The following OPCML variants were observed in gnomAD, a reference collection of about 807,000 sequenced individuals.
OPCML encodes the protein opioid-binding protein/cell adhesion molecule.
A neutral mutation model predicts 37.8 loss-of-function variants in OPCML; 13 were observed. The observed-to-expected ratio is 0.34, with a 90% CI of 0.22 to 0.55. The LOEUF is 0.55. Among genes scored for constraint, OPCML ranks in the 20% least tolerant of loss-of-function variants. The pLI, the probability that OPCML is intolerant of heterozygous loss-of-function variation, is 0.91. For missense variants in OPCML, 341 were observed against 435.6 expected, an observed-to-expected ratio of 0.78 and a Z score of 1.93; for synonymous variants, 176 against 168.8, an observed-to-expected ratio of 1.04 and a Z score of -0.33.
intron 2 of OPCML, among the ~76,000 whole-genome samples, chr11:132,673,855 G>GGTA (rs2135825661): frequency 6.6e-6 from 1 of 152,154 alleles, no homozygotes; most frequent in East Asian, 1.9e-4. Context: ...GAATCCAAAG[G>GGTA]GTAGTGGTCT....
At chr11:132,874,369 G>C (rs917436652) in intron 2 of OPCML, among the ~76,000 whole-genome samples, 7 of 151,796 alleles carry the variant, frequency 4.6e-5, no homozygotes, top group Non-Finnish European at 1.0e-4. Context: ...ATCCAAAGGA[G>C]TAACTAGGGA....
In OPCML at chr11:133,493,124, G is replaced by A. The variant is rs553245355; in HGVS notation, c.61+39140C>T. 1.2e-3 allele frequency among the ~76,000 whole-genome samples: 189 copies of A among 152,338 alleles called. 1 individual carries two copies. Among genetic ancestry groups the A allele is most frequent in the African/African-American group, 4.3e-3 (177 of 41,580 alleles). Reference sequence around the variant, plus strand: ...CCTGGGACCAGTGATGACAAGCGCAGGATTGAGGAGCTCATGACCTTGCCC... The same window carrying A: ...CCTGGGACCAGTGATGACAAGCGCAAGATTGAGGAGCTCATGACCTTGCCC... On this transcript the variant is annotated intron_variant, in intron 1 of 7. Transcript: ENST00000524381.
At chr11:133,523,588 G>A (rs1287067561) in intron 1 of OPCML, among the ~76,000 whole-genome samples, 1 of 152,134 alleles carries the variant, frequency 6.6e-6, no homozygotes, top group Non-Finnish European at 1.5e-5. Flanking sequence ...AATAAAAAAT[G>A]TAAATCATGA....
intron 2 of OPCML, among the ~76,000 whole-genome samples, chr11:132,783,507 A>G (rs577169747): frequency 1.3e-5 from 2 of 152,294 alleles, no homozygotes; most frequent in Admixed American, 1.3e-4. Flanking sequence ...GCCAAATTTT[A>G]TTCTTAAATA....
intron 4 of OPCML, among the ~76,000 whole-genome samples, chr11:132,445,151 G>T (rs951651998): frequency 1.3e-5 from 2 of 152,216 alleles, no homozygotes; most frequent in African/African-American, 4.8e-5. Flanking sequence ...CAGTAAGTTG[G>T]CTAATCACAA....
chr11:132,514,115 A>G (rs2096274721), intron 4 of OPCML, among the ~76,000 whole-genome samples: 1 of 152,168 alleles, frequency 6.6e-6, no homozygotes, highest in Admixed American at 6.6e-5. Context: ...GTACTTGCTT[A>G]TTTATTTTTG....
intron 1 of OPCML, among the ~76,000 whole-genome samples, chr11:133,126,050 A>C (rs1380697957): frequency 1.5e-5 from 2 of 130,472 alleles, no homozygotes; most frequent in East Asian, 4.6e-4. Context: ...CTACATATAC[A>C]CATGTATATA....
At chr11:132,596,293 G>T (rs910396691) in intron 3 of OPCML, among the ~76,000 whole-genome samples, 1 of 152,132 alleles carries the variant, frequency 6.6e-6, no homozygotes, top group African/African-American at 2.4e-5. Flanking sequence ...GGCCAGATGG[G>T]TTTGAACAGA....
intron 1 of OPCML, among the ~76,000 whole-genome samples, chr11:133,263,902 C>T (rs753828966): frequency 5.9e-5 from 9 of 152,172 alleles, no homozygotes; most frequent in Admixed American, 5.9e-4. Context: ...TAAAAGTTCT[C>T]CAGGCTCAGT....
chr11:133,447,639 G>A (rs1319736721), intron 1 of OPCML, among the ~76,000 whole-genome samples: 1 of 152,160 alleles, frequency 6.6e-6, no homozygotes, highest in African/African-American at 2.4e-5. Context: ...TTCTGTTCCT[G>A]CACTGATTCA....
chr11:133,264,992 C>CT (rs1419479199), intron 1 of OPCML, among the ~76,000 whole-genome samples: 2 of 152,130 alleles, frequency 1.3e-5, no homozygotes, highest in East Asian at 3.9e-4. Context: ...AGATTTTAAA[C>CT]TGCCAGGGTC....
At chr11:132,786,965 T>C (rs988930713) in intron 2 of OPCML, among the ~76,000 whole-genome samples, 2 of 152,128 alleles carry the variant, frequency 1.3e-5, no homozygotes, top group African/African-American at 4.8e-5. Flanking sequence ...TAGACCAGCC[T>C]AGTCTCCAAA....
At chr11:132,568,045 C>T (rs986848075) in intron 3 of OPCML, among the ~76,000 whole-genome samples, 174 of 147,306 alleles carry the variant, frequency 1.2e-3, no homozygotes, top group African/African-American at 4.2e-3. Context: ...TGTGTGTGCG[C>T]GCGCGCGCGT....
intron 1 of OPCML, among the ~76,000 whole-genome samples, chr11:132,957,943 C>A (rs529618341): frequency 1.4e-4 from 21 of 152,098 alleles, no homozygotes; most frequent in Non-Finnish European, 2.6e-4. Flanking sequence ...AATTAATAAC[C>A]CTACAAAGGC....
At chr11:132,583,866 G>C (rs994615292) in intron 3 of OPCML, among the ~76,000 whole-genome samples, 8 of 151,274 alleles carry the variant, frequency 5.3e-5, no homozygotes, top group Non-Finnish European at 1.2e-4. Flanking sequence ...CGCTCACCTC[G>C]GCCTCCCAAA....
intron 3 of OPCML, among the ~76,000 whole-genome samples, chr11:132,574,801 G>T (rs1320815813): frequency 6.6e-6 from 1 of 151,796 alleles, no homozygotes; most frequent in African/African-American, 2.4e-5. Context: ...TTAAGTCCTT[G>T]GTTTCCTTAT....
intron 1 of OPCML, among the ~76,000 whole-genome samples, chr11:133,180,423 C>G (rs1002343678): frequency 6.6e-6 from 1 of 152,154 alleles, no homozygotes; most frequent in Admixed American, 6.5e-5. Context: ...ACCTCCCTCC[C>G]TTTCATCACC....
intron 1 of OPCML, among the ~76,000 whole-genome samples, chr11:133,010,902 C>A (rs180716985): frequency 6.6e-6 from 1 of 152,142 alleles, no homozygotes; most frequent in East Asian, 1.9e-4. Context: ...TAACAATCAA[C>A]AGGGAATTTA....
chr11:132,555,951 T>C (rs2096394593), intron 3 of OPCML, among the ~76,000 whole-genome samples: 1 of 152,140 alleles, frequency 6.6e-6, no homozygotes, highest in East Asian at 1.9e-4. Context: ...TTTGGATTTT[T>C]TTTTTGAGAC....
Sources: gnomAD v4.1 joint callset for allele counts (sites outside exome capture counted in the v4.1 genomes callset) on GRCh38, gnomAD v4.1.1 for gene constraint, MANE v1.5 for transcripts, NCBI Gene and HGNC (gene_info 2026-07-23, HGNC 2026-07-21) for gene names.